The following LSAMP variants were observed in gnomAD, a reference collection of about 807,000 sequenced individuals.
The protein encoded by LSAMP is limbic system-associated membrane protein.
Under a neutral mutation model 38.6 loss-of-function variants are expected in LSAMP, and 7 were observed. The ratio of observed to expected loss-of-function variants is 0.18; its 90% CI spans 0.10 to 0.34. The LOEUF (loss-of-function observed/expected upper bound fraction) is 0.34. Among genes scored for constraint, LSAMP ranks in the 10% least tolerant of loss-of-function variants. The probability of loss-of-function intolerance (pLI) is 1.00; values close to 1 mark genes in which losing one functional copy is unlikely to be tolerated. For missense variants in LSAMP, 313 were observed against 420.0 expected, an observed-to-expected ratio of 0.75 and a Z score of 2.23; for synonymous variants, 154 against 166.8, an observed-to-expected ratio of 0.92 and a Z score of 0.59.
intron 3 of LSAMP, among the ~76,000 whole-genome samples, chr3:115,927,845 C>A (rs1937519915): frequency 6.6e-6 from 1 of 152,188 alleles, no homozygotes. Flanking sequence ...CTGACTTTGA[C>A]AACACCATTT....
At chr3:115,833,358 AG>A (rs1934678518) in intron 6 of LSAMP, among the ~76,000 whole-genome samples, 1 of 121,326 alleles carries the variant, frequency 8.2e-6, no homozygotes, top group African/African-American at 3.5e-5. Flanking sequence ...GTTTTAGGGA[AG>A]TTTTTTTTTT....
intron 1 of LSAMP, among the ~76,000 whole-genome samples, chr3:116,428,014 T>G (rs1304474209): frequency 6.6e-6 from 1 of 152,226 alleles, no homozygotes; most frequent in Non-Finnish European, 1.5e-5. Context: ...AATCTACCAT[T>G]TCATTCCATA....
chr3:116,102,767 T>TTATCTATCTATCTATCTATC (rs35080251), intron 1 of LSAMP, among the ~76,000 whole-genome samples: 2,822 of 151,084 alleles, frequency 0.019, 82 homozygotes, highest in African/African-American at 0.064. Flanking sequence ...TTTTAAAATT[T>TTATCTATCTATCTATCTATC]TATCTATCTA....
At chr3:116,268,229 T>C (rs1323032243) in intron 1 of LSAMP, among the ~76,000 whole-genome samples, 3 of 151,994 alleles carry the variant, frequency 2.0e-5, no homozygotes, top group Non-Finnish European at 4.4e-5. Context: ...GTGTGTGTAG[T>C]AGGCAAGATG....
At chr3:116,006,893 A>G (rs114649874) in intron 3 of LSAMP, among the ~76,000 whole-genome samples, 94 of 152,236 alleles carry the variant, frequency 6.2e-4, no homozygotes, top group Non-Finnish European at 1.1e-3. Context: ...TTCTGTGACT[A>G]TTTTCCCATC....
intron 2 of LSAMP, among the ~76,000 whole-genome samples, chr3:116,082,475 G>T (rs1378748352): frequency 6.6e-6 from 1 of 152,034 alleles, no homozygotes; most frequent in Non-Finnish European, 1.5e-5. Flanking sequence ...TGGTTCTCTG[G>T]AATCTGCATT....
intron 1 of LSAMP, among the ~76,000 whole-genome samples, chr3:116,439,315 TG>T (rs71616354): frequency 0.068 from 7,784 of 113,968 alleles, 349 homozygotes; most frequent in Non-Finnish European, 0.088. Context: ...CCTGAGATTT[TG>T]TTGTTTTTTT....
chr3:116,202,972 A>G (rs905811390), intron 1 of LSAMP, among the ~76,000 whole-genome samples: 1 of 152,172 alleles, frequency 6.6e-6, no homozygotes, highest in Non-Finnish European at 1.5e-5. Flanking sequence ...AACACGATTG[A>G]TTTTTGTGTA....
chr3:116,116,279 A>G (rs905683044), intron 1 of LSAMP, among the ~76,000 whole-genome samples: 2 of 151,302 alleles, frequency 1.3e-5, no homozygotes, highest in Admixed American at 1.3e-4. Context: ...ATCTTTAAAA[A>G]TTTTCTTCTG....
chr3:115,993,444 T>G (rs1939728908), intron 3 of LSAMP, among the ~76,000 whole-genome samples: 1 of 152,122 alleles, frequency 6.6e-6, no homozygotes, highest in African/African-American at 2.4e-5. Flanking sequence ...AATTTCTGAC[T>G]ATATTTTGTA....
At chr3:116,315,419 T>C (rs543163501) in intron 1 of LSAMP, among the ~76,000 whole-genome samples, 13 of 152,306 alleles carry the variant, frequency 8.5e-5, no homozygotes. Flanking sequence ...GAGGGAAATT[T>C]ACATATCTAT....
intron 2 of LSAMP, among the ~76,000 whole-genome samples, chr3:116,074,371 C>A (rs1039631345): frequency 1.3e-5 from 2 of 152,110 alleles, no homozygotes; most frequent in African/African-American, 2.4e-5. Flanking sequence ...CATGAAATGA[C>A]CTTAACTTAA....
chr3:116,240,046 AATT>A (rs2046512854), intron 1 of LSAMP, among the ~76,000 whole-genome samples: 1 of 152,220 alleles, frequency 6.6e-6, no homozygotes, highest in African/African-American at 2.4e-5. Context: ...GCAACATAAT[AATT>A]CTTCATGTAC....
intron 1 of LSAMP, among the ~76,000 whole-genome samples, chr3:116,286,408 G>T (rs1453838584): frequency 6.6e-6 from 1 of 152,110 alleles, no homozygotes; most frequent in African/African-American, 2.4e-5. Context: ...TTAAGAGGAA[G>T]CACTGAAGGG....
At chr3:116,144,547 T>A in intron 1 of LSAMP, among the ~76,000 whole-genome samples, 1 of 131,332 alleles carries the variant, frequency 7.6e-6, no homozygotes, top group Non-Finnish European at 1.6e-5. Flanking sequence ...TAAAATACTC[T>A]ATATCATCAC....
chr3:116,169,237 CTACTG>C (rs969161827), intron 1 of LSAMP, among the ~76,000 whole-genome samples: 4 of 152,104 alleles, frequency 2.6e-5, no homozygotes, highest in Non-Finnish European at 5.9e-5. Flanking sequence ...GCTCTGCTCT[CTACTG>C]TTGGGAGTCA....
At chr3:115,955,492 A>G (rs1246313921) in intron 3 of LSAMP, among the ~76,000 whole-genome samples, 4 of 152,132 alleles carry the variant, frequency 2.6e-5, no homozygotes. Context: ...TATGCTAGAC[A>G]CTGTACTAAG....
At chr3:116,124,044 A>C (rs911274741) in intron 1 of LSAMP, among the ~76,000 whole-genome samples, 4 of 152,216 alleles carry the variant, frequency 2.6e-5, no homozygotes, top group African/African-American at 9.6e-5. Context: ...CTCTCTAGGC[A>C]GAGAAGCAAC....
At chr3:116,271,041 G>C (rs946781670) in intron 1 of LSAMP, among the ~76,000 whole-genome samples, 1 of 151,902 alleles carries the variant, frequency 6.6e-6, no homozygotes, top group African/African-American at 2.4e-5. Context: ...CCTTTAAAAA[G>C]GTAGAAATAT....
Sources: allele counts gnomAD v4.1 joint callset (sites outside exome capture counted in the v4.1 genomes callset), GRCh38; gene constraint gnomAD v4.1.1; transcripts MANE v1.5; gene names NCBI Gene and HGNC (gene_info 2026-07-23, HGNC 2026-07-21).